PCDH9: variants seen among roughly 807,000 people sequenced by gnomAD.
PCDH9 encodes protocadherin-9.
In PCDH9, 24 loss-of-function variants were observed where a neutral mutation model predicts 70.6. The observed-to-expected ratio is 0.34, with a 90% CI of 0.25 to 0.48. PCDH9 has a LOEUF of 0.48. Ranked by LOEUF, PCDH9 falls within the 20% of genes least tolerant of loss-of-function variation. PCDH9 has a pLI of 0.99. For missense variants in PCDH9, 1,281 were observed against 1,503.6 expected, an observed-to-expected ratio of 0.85 and a Z score of 2.45; for synonymous variants, 562 against 558.5, an observed-to-expected ratio of 1.01 and a Z score of -0.09.
At chr13:66,751,191 C>G (rs2079452401) in intron 3 of PCDH9, among the ~76,000 whole-genome samples, 1 of 151,998 alleles carries the variant, frequency 6.6e-6, no homozygotes, top group Non-Finnish European at 1.5e-5. Flanking sequence ...TGAAGCAGAG[C>G]AAATAGACTG....
At chr13:67,086,560 A>G (rs902428454) in intron 2 of PCDH9, among the ~76,000 whole-genome samples, 2 of 152,192 alleles carry the variant, frequency 1.3e-5, no homozygotes, top group Non-Finnish European at 2.9e-5. Context: ...CAACCAGGAA[A>G]CGAAGTGATA....
At chr13:67,078,927 C>T (rs2085930926) in intron 2 of PCDH9, among the ~76,000 whole-genome samples, 1 of 152,040 alleles carries the variant, frequency 6.6e-6, no homozygotes, top group Non-Finnish European at 1.5e-5. Flanking sequence ...CTGCAGTGGC[C>T]AGTCTGGACC....
At chr13:67,070,868 A>C (rs1319005707) in intron 2 of PCDH9, among the ~76,000 whole-genome samples, 3 of 152,188 alleles carry the variant, frequency 2.0e-5, no homozygotes, top group Non-Finnish European at 2.9e-5. Flanking sequence ...CAATATGAAG[A>C]TGCAGATTCT....
intron 2 of PCDH9, among the ~76,000 whole-genome samples, chr13:67,097,754 A>T (rs2086352838): frequency 1.3e-5 from 2 of 152,118 alleles, no homozygotes; most frequent in Admixed American, 6.5e-5. Context: ...TTTTTGATAT[A>T]AAAAAACTAC....
intron 2 of PCDH9, among the ~76,000 whole-genome samples, chr13:67,150,797 C>A (rs910956878): frequency 6.6e-6 from 1 of 152,206 alleles, no homozygotes; most frequent in Non-Finnish European, 1.5e-5. Flanking sequence ...GTTCCCTAAT[C>A]TAATAGAACT....
At chr13:66,408,334 A>G (rs1593929531) in intron 4 of PCDH9, among the ~76,000 whole-genome samples, 1 of 152,344 alleles carries the variant, frequency 6.6e-6, no homozygotes, top group Non-Finnish European at 1.5e-5. Flanking sequence ...GAACTTCGGT[A>G]TGATTACTGA....
chr13:67,148,000 G>A (rs1284992582), intron 2 of PCDH9, among the ~76,000 whole-genome samples: 3 of 152,046 alleles, frequency 2.0e-5, no homozygotes, highest in Admixed American at 6.5e-5. Context: ...CCAGAAAGTC[G>A]GCTGCTATAA....
chr13:67,108,451 C>A (rs1329043285), intron 2 of PCDH9, among the ~76,000 whole-genome samples: 1 of 152,084 alleles, frequency 6.6e-6, no homozygotes, highest in Non-Finnish European at 1.5e-5. Context: ...GGGAATGAGG[C>A]AGATACATTA....
rs1390209440 is a variant in PCDH9 at position 67,227,806 on chromosome 13, C to T, written c.635G>A (p.Arg212Lys). 2 of 1,614,042 alleles carry T rather than the reference C, an allele frequency of 1.2e-6. No individual in the cohort carries two copies. Among genetic ancestry groups the T allele is most frequent in the East Asian group, 2.2e-5 (1 of 44,876 alleles). Reference sequence around the variant, plus strand: ...CATCACATAGGTATCTTTCTGTTCTCTATCCAAGTTTTGCTGAACAATCAG... The same window carrying T: ...CATCACATAGGTATCTTTCTGTTCTTTATCCAAGTTTTGCTGAACAATCAG... ...PQLIVQQNLDREQKDTYVMKI... is the reference protein window; with the variant it reads ...PQLIVQQNLDKEQKDTYVMKI... Residue 212 changes from arginine to lysine, a missense_variant, in exon 2 of 5, where the codon AGA becomes AAA. This residue lies in a region of PCDH9 where 798 missense variants were observed against 1,003.1 expected (regional missense o/e 0.80). Coordinates refer to ENST00000377865, the MANE Select transcript of PCDH9 (RefSeq NM_203487.3). The surrounding 1 kb of genome is among the most constrained non-coding windows in gnomAD (Gnocchi z 4.6).
intron 4 of PCDH9, among the ~76,000 whole-genome samples, chr13:66,566,185 CAG>C (rs1167561983): frequency 1.3e-5 from 2 of 152,126 alleles, no homozygotes; most frequent in African/African-American, 4.8e-5. Flanking sequence ...ATGTACTTTT[CAG>C]AGTTTTCCTT....
intron 4 of PCDH9, among the ~76,000 whole-genome samples, chr13:66,441,945 G>A (rs899642610): frequency 1.3e-5 from 2 of 152,046 alleles, no homozygotes; most frequent in East Asian, 1.9e-4. Context: ...TCCAAGTTAT[G>A]TACGCAAATA....
chr13:66,338,764 C>A (rs1956078399), intron 4 of PCDH9, among the ~76,000 whole-genome samples: 1 of 151,844 alleles, frequency 6.6e-6, no homozygotes, highest in Admixed American at 6.6e-5. Context: ...TTGTTCAATT[C>A]TAATTTAATT....
At chr13:67,173,432 A>G (rs2985921) in intron 2 of PCDH9, among the ~76,000 whole-genome samples, 1 of 151,858 alleles carries the variant, frequency 6.6e-6, no homozygotes, top group Non-Finnish European at 1.5e-5. Context: ...TTATATATAT[A>G]TTTTCCAACT....
intron 2 of PCDH9, among the ~76,000 whole-genome samples, chr13:67,044,471 T>G (rs1224879108): frequency 6.6e-6 from 1 of 152,162 alleles, no homozygotes; most frequent in Admixed American, 6.6e-5. Context: ...CATATGAAAG[T>G]GTGTTTGTCC....
At chr13:66,758,135 G>A (rs1268995949) in intron 3 of PCDH9, among the ~76,000 whole-genome samples, 1 of 151,924 alleles carries the variant, frequency 6.6e-6, no homozygotes, top group African/African-American at 2.4e-5. Context: ...CTGTTATGAA[G>A]TATATATACA....
intron 2 of PCDH9, among the ~76,000 whole-genome samples, chr13:66,937,582 T>C (rs1279258560): frequency 6.6e-6 from 1 of 152,222 alleles, no homozygotes; most frequent in African/African-American, 2.4e-5. Context: ...CGTACTTCCA[T>C]ATTTGAGTCC....
chr13:66,410,455 C>T (rs1957350834), intron 4 of PCDH9, among the ~76,000 whole-genome samples: 1 of 152,146 alleles, frequency 6.6e-6, no homozygotes, highest in African/African-American at 2.4e-5. Flanking sequence ...ACAACTTATG[C>T]CAATGTCACT....
chr13:67,178,403 CTATT>C (rs1172482723), intron 2 of PCDH9, among the ~76,000 whole-genome samples: 3 of 152,008 alleles, frequency 2.0e-5, no homozygotes, highest in Non-Finnish European at 4.4e-5. Context: ...CACACAATAA[CTATT>C]TATCTAACAT....
intron 4 of PCDH9, among the ~76,000 whole-genome samples, chr13:66,345,597 C>T (rs1280539417): frequency 6.6e-6 from 1 of 152,084 alleles, no homozygotes; most frequent in Admixed American, 6.6e-5. Flanking sequence ...CCTTTTTATT[C>T]CATCTTGGCA....
Sources: gnomAD v4.1 joint callset for allele counts (sites outside exome capture counted in the v4.1 genomes callset) on GRCh38, gnomAD v4.1.1 for gene constraint, gnomAD v4.1.1 regional missense constraint, Gnocchi (gnomAD v3.1) non-coding constraint, MANE v1.5 for transcripts, NCBI Gene and HGNC (gene_info 2026-07-23, HGNC 2026-07-21) for gene names.